Variants in NF2 observed in about 807,000 individuals in gnomAD.
The protein encoded by NF2 is merlin.
A neutral mutation model predicts 83.7 loss-of-function variants in NF2; 8 were observed. The observed-to-expected ratio is 0.10, with a 90% CI of 0.06 to 0.17. The LOEUF (loss-of-function observed/expected upper bound fraction) is 0.17, where lower values mean the gene tolerates loss of function less well. Among genes scored for constraint, NF2 ranks in the 10% least tolerant of loss-of-function variants. The pLI is 1.00. For synonymous variants in NF2, 266 were observed against 269.6 expected, an observed-to-expected ratio of 0.99 and a Z score of 0.13; for missense variants, 533 against 744.4, an observed-to-expected ratio of 0.72 and a Z score of 3.31.
chr22:29,681,507 C>A lies in NF2; in HGVS notation c.1643C>A (p.Ala548Asp). The change falls in exon 15 of 16, where the codon GCC becomes GAC. Residue 548 changes from alanine to aspartate, a missense_variant. Around this residue, in one of 3 missense-constraint regions of NF2, gnomAD observed 199 missense variants for 240.7 expected, o/e 0.83. Transcript: ENST00000338641. ...AATGAACTCAAGACAGAAATCGAGG[C>A]CTTGAAACTGAAAGAGAGGGAGACA... is the stretch of plus-strand genomic sequence containing the variant. ...QLNELKTEIE[A>D]LKLKERETAL... 2 of 1,614,128 alleles carry A rather than the reference C, an allele frequency of 1.2e-6. No homozygotes were observed. Among genetic ancestry groups the A allele is most frequent in the Non-Finnish European group, 1.7e-6 (2 of 1,180,030 alleles).
rs1419496365 is a variant in NF2, at chr22:29,655,694, T to G, written c.599+18T>G. 1 of 1,603,118 alleles carries G rather than the reference T, an allele frequency of 6.2e-7. No individual in the cohort carries two copies. Among genetic ancestry groups the G allele is most frequent in the South Asian group, 1.1e-5 (1 of 90,418 alleles). On this transcript the variant is annotated intron_variant, in intron 6 of 15. Transcript: ENST00000338641. ...CGAGCCAGGTGAGGCCCATTCATTG[T>G]TGGTTTACATTCCTTTATGGGCTTT...
At position 29,661,219 on chromosome 22, in the gene NF2, A is replaced by G. The variant is rs2147007913; in HGVS notation, c.690A>G (p.Thr230=). 5 of 1,614,266 alleles carry G rather than the reference A, an allele frequency of 3.1e-6. No homozygotes were observed. Among genetic ancestry groups the G allele is most frequent in the Non-Finnish European group, 4.2e-6 (5 of 1,180,050 alleles). ...NYFAIRNKKG[T]ELLLGVDALG... is the part of the protein sequence containing the mutation. ...TGGATCCACAGAATAAAAAGGGCAC[A>G]GAGCTGCTGCTTGGAGTGGATGCCC... The change falls in exon 8 of 16, where the codon ACA becomes ACG. Residue 230 remains threonine (T), a synonymous_variant. Transcript: ENST00000338641.
chr22:29,634,675 A>C (rs1200065268), intron 1 of NF2, among the ~76,000 whole-genome samples: 2 of 152,222 alleles, frequency 1.3e-5, no homozygotes, highest in African/African-American at 4.8e-5. Context: ...TCTTGTAGCA[A>C]GGTAGTCATT....
chr22:29,620,294 A>G (rs1043357843), intron 1 of NF2, among the ~76,000 whole-genome samples: 1 of 151,750 alleles, frequency 6.6e-6, no homozygotes, highest in African/African-American at 2.4e-5. Context: ...GGTTGTGCGC[A>G]CCTGTAGTCC....
intron 3 of NF2, among the ~76,000 whole-genome samples, chr22:29,640,194 TAAAAAAAAA>T (rs11379333): frequency 2.2e-5 from 2 of 92,794 alleles, no homozygotes; most frequent in African/African-American, 7.9e-5. Flanking sequence ...GACTCTGTCT[TAAAAAAAAA>T]AAAAAAAAAA....
chr22:29,691,765 A>G (rs1004790342), intron 15 of NF2, among the ~76,000 whole-genome samples: 2 of 152,210 alleles, frequency 1.3e-5, no homozygotes, highest in Non-Finnish European at 2.9e-5. Flanking sequence ...AGCTGTTTGC[A>G]TGCTCCGCGG....
In NF2 at chr22:29,661,068, A is replaced by G. The variant is rs1793280532; in HGVS notation, c.676-137A>G. 2.3e-6 allele frequency: 3 copies of G among 1,279,882 alleles called. No individual in the cohort carries two copies. The Admixed American group carries it at 5.1e-5, about 22-fold the overall frequency. The allele number at this position is 1,279,882 out of a possible 1,614,324, so 79.3% of individuals were successfully genotyped here. On this transcript the variant is annotated intron_variant, in intron 7 of 15. Transcript: ENST00000338641. ...CAGAAAGCTGAAATCTTCTTGGTTT[A>G]TAAGACAGCTGTGACTTCTGTTGGG...
chr22:29,644,849 G>T (rs1198938455), intron 4 of NF2, among the ~76,000 whole-genome samples: 1 of 152,128 alleles, frequency 6.6e-6, no homozygotes, highest in East Asian at 1.9e-4. Context: ...CAGGGAGGTT[G>T]CAGTGAGCCG....
intron 1 of NF2, among the ~76,000 whole-genome samples, chr22:29,618,538 T>G (rs1448157469): frequency 6.6e-6 from 1 of 152,196 alleles, no homozygotes; most frequent in Non-Finnish European, 1.5e-5. Flanking sequence ...TTTTTCCACT[T>G]GAAAGATTTG....
intron 10 of NF2, 56 bp downstream of exon 10, chr22:29,668,502 G>C: frequency 1.5e-6 from 2 of 1,340,970 alleles, no homozygotes; most frequent in Non-Finnish European, 2.1e-6. Context: ...TCCTGGCCTG[G>C]GAGGCGAGGA....
chr22:29,617,920 C>G (rs748063496), intron 1 of NF2, among the ~76,000 whole-genome samples: 75 of 152,180 alleles, frequency 4.9e-4, no homozygotes, highest in Non-Finnish European at 8.7e-4. Flanking sequence ...TTACATAGCT[C>G]TCTGGACCTT....
At position 29,697,069 on chromosome 22, in the gene NF2, G is replaced by A. The variant is rs919939482; in HGVS notation, c.*2267G>A. 1.1e-4 allele frequency: 22 copies of A among 192,404 alleles called. No individual in the cohort carries two copies. Among genetic ancestry groups the A allele is most frequent in the East Asian group, 5.7e-4 (7 of 12,386 alleles). The allele number at this position is 192,404 out of a possible 1,614,324, so 11.9% of individuals were successfully genotyped here. A position where few individuals can be genotyped will look rare whatever the true frequency, so the allele number is the denominator to read the frequency against. On this transcript the variant is annotated 3_prime_UTR_variant, in exon 16 of 16. Coordinates refer to ENST00000338641, the MANE Select transcript of NF2 (RefSeq NM_000268.4). ...TGACCTCAGGTGATCCTCCCACCCC[G>A]GCTTCCCAAAGTTCTGGGATTATAG...
intron 1 of NF2, among the ~76,000 whole-genome samples, chr22:29,635,170 ACCTTGTAGAGAAC>A: frequency 1.3e-5 from 2 of 152,288 alleles, no homozygotes; most frequent in Admixed American, 1.3e-4. Flanking sequence ...CCTGTTGAGT[ACCTTGTAGAGAAC>A]CCACTGTTCA....
intron 4 of NF2, among the ~76,000 whole-genome samples, chr22:29,650,595 T>TA (rs1401708546): frequency 6.6e-6 from 1 of 151,500 alleles, no homozygotes; most frequent in Non-Finnish European, 1.5e-5. Flanking sequence ...TTTTCTTTCC[T>TA]TTTTCTTTTC....
intron 5 of NF2, among the ~76,000 whole-genome samples, chr22:29,655,093 A>C (rs931932104): frequency 6.6e-6 from 1 of 152,094 alleles, no homozygotes; most frequent in Non-Finnish European, 1.5e-5. Context: ...AGGGGTGGGC[A>C]TTGTGGTTTT....
At chr22:29,611,820 A>G (rs1186627352) in intron 1 of NF2, among the ~76,000 whole-genome samples, 1 of 152,220 alleles carries the variant, frequency 6.6e-6, no homozygotes, top group Admixed American at 6.5e-5. Context: ...CACAAAACTT[A>G]GTTGTAAATG....
rs1321208414 is a variant in NF2 at position 29,674,884 on chromosome 22, G to A, written c.1389G>A (p.Glu463=). 1.9e-6 allele frequency: 3 copies of A among 1,573,708 alleles called. No homozygotes were observed. Among genetic ancestry groups the A allele is most frequent in the African/African-American group, 1.3e-5 (1 of 74,076 alleles). ...AGCAGGACCTGCAGGAAGCACGCGA[G>A]GCGGAGCGAAGAGCCAAGCAGAAGC... ...QLKQDLQEAR[E]AERRAKQKLL... Residue 463 remains glutamate, a synonymous_variant, in exon 13 of 16, where the codon GAG becomes GAA. Transcript: ENST00000338641.
chr22:29,662,625 C>A, intron 8 of NF2, among the ~76,000 whole-genome samples: 1 of 152,178 alleles, frequency 6.6e-6, no homozygotes. Flanking sequence ...TTCACCCTGA[C>A]CGTCTGAATT....
intron 1 of NF2, among the ~76,000 whole-genome samples, chr22:29,614,361 G>A (rs1378049939): frequency 3.3e-5 from 5 of 152,132 alleles, no homozygotes; most frequent in South Asian, 2.1e-4. Context: ...GGTGGCTCAC[G>A]AGGTCAGGAG....
Sources: allele counts gnomAD v4.1 joint callset (sites outside exome capture counted in the v4.1 genomes callset), GRCh38; gene constraint gnomAD v4.1.1; regional missense constraint gnomAD v4.1.1; transcripts MANE v1.5; gene names NCBI Gene and HGNC (gene_info 2026-07-23, HGNC 2026-07-21).